Variants in KCNK10 observed in about 807,000 individuals in gnomAD.
The protein encoded by KCNK10 is potassium two pore domain channel subfamily K member 10.
KCNK10 carries 25 observed loss-of-function variants against 47.7 expected under a neutral mutation model. The observed-to-expected ratio is 0.52, with a 90% CI of 0.38 to 0.73. The LOEUF (loss-of-function observed/expected upper bound fraction) is 0.73, where lower values mean the gene tolerates loss of function less well. Among genes scored for constraint, KCNK10 ranks in the 30% least tolerant of loss-of-function variants. The pLI, the probability that KCNK10 is intolerant of heterozygous loss-of-function variation, is 0.00. For missense variants in KCNK10, 563 were observed against 714.5 expected (o/e 0.79, Z 2.42); for synonymous variants, 303 against 285.6 (o/e 1.06, Z -0.61).
chr14:88,202,983 C>A (rs1885149903), intron 4 of KCNK10, among the ~76,000 whole-genome samples: 1 of 152,142 alleles, frequency 6.6e-6, no homozygotes, highest in Non-Finnish European at 1.5e-5. Context: ...GTAAACCTTG[C>A]CCTTGATCAA....
chr14:88,294,512 T>C (rs1048397500), intron 1 of KCNK10, among the ~76,000 whole-genome samples: 3 of 152,244 alleles, frequency 2.0e-5, no homozygotes. Flanking sequence ...AATTCTCTTT[T>C]GGGCTGGATC....
intron 1 of KCNK10, among the ~76,000 whole-genome samples, chr14:88,315,592 C>A (rs1283081753): frequency 6.6e-6 from 1 of 152,076 alleles, no homozygotes; most frequent in African/African-American, 2.4e-5. Context: ...TTTAGGGGAT[C>A]TCGAGTTCTG....
chr14:88,220,183 C>T (rs1234495885), intron 4 of KCNK10, among the ~76,000 whole-genome samples: 2 of 151,746 alleles, frequency 1.3e-5, no homozygotes, highest in Non-Finnish European at 2.9e-5. Context: ...TTTGGGAGGC[C>T]GAGGCGGGCG....
At chr14:88,223,425 G>A (rs1034581890) in intron 4 of KCNK10, among the ~76,000 whole-genome samples, 1 of 150,154 alleles carries the variant, frequency 6.7e-6, no homozygotes, top group Non-Finnish European at 1.5e-5. Flanking sequence ...ATGAGCCTCT[G>A]TCTGTATGTT....
chr14:88,261,542 T>C (rs1030040106), intron 2 of KCNK10, among the ~76,000 whole-genome samples: 2 of 152,122 alleles, frequency 1.3e-5, no homozygotes, highest in Non-Finnish European at 2.9e-5. Flanking sequence ...TGCTTGAGCC[T>C]AGGAATTCAA....
intron 4 of KCNK10, 51 bp downstream of exon 4, chr14:88,227,324 A>C: frequency 6.8e-7 from 1 of 1,470,334 alleles, no homozygotes; most frequent in Non-Finnish European, 9.2e-7. Flanking sequence ...CTGTCAGGCT[A>C]AAGCCAACTG....
At position 88,182,036 on chromosome 14, in the gene KCNK10, G is replaced by GCGCGCACACACA. The variant is rs878911675; in HGVS notation, c.*3498_*3499insTGTGTGTGCGCG. 1 of 137,058 alleles carries GCGCGCACACACA rather than the reference G, an allele frequency of 7.3e-6. No individual in the cohort carries two copies. Among genetic ancestry groups the GCGCGCACACACA allele is most frequent in the African/African-American group, 2.7e-5 (1 of 36,728 alleles). 8.5% of individuals were successfully genotyped at this position (137,058 alleles called of 1,614,324 possible). A position where few individuals can be genotyped will look rare whatever the true frequency, so the allele number is the denominator to read the frequency against. The stretch of plus-strand genomic sequence containing the variant: ...AGATGGCCCAACACCACCCCAACCC[G>GCGCGCACACACA]CACACACACACACACACACACACAC... On this transcript the variant is annotated 3_prime_UTR_variant, in exon 7 of 7. Transcript: ENST00000319231.
chr14:88,202,599 G>A (rs965712571), intron 4 of KCNK10, among the ~76,000 whole-genome samples: 1 of 152,160 alleles, frequency 6.6e-6, no homozygotes, highest in African/African-American at 2.4e-5. Context: ...ACTGGCACCC[G>A]CCACTCCCCA....
rs1884354543 is a variant in KCNK10 at position 88,181,491 on chromosome 14, G to C, written c.*4044C>G. On this transcript the variant is annotated 3_prime_UTR_variant, in exon 7 of 7. Coordinates refer to ENST00000319231, the MANE Select transcript of KCNK10 (RefSeq NM_138317.3). ...CATAGTACTTGAATTCATGATACAT[G>C]AAGTACTACAATTGACTGCAAATAA... The C allele has an allele frequency of 6.7e-6, 1 of 149,012 alleles. No individual in the cohort carries two copies. Among genetic ancestry groups the C allele is most frequent in the Non-Finnish European group, 1.5e-5 (1 of 67,574 alleles). The allele number at this position is 149,012 out of a possible 1,614,324, so 9.2% of individuals were successfully genotyped here.
intron 1 of KCNK10, among the ~76,000 whole-genome samples, chr14:88,266,831 G>A (rs1279999181): frequency 1.3e-5 from 2 of 152,200 alleles, no homozygotes; most frequent in East Asian, 3.9e-4. Context: ...GAGCATGGAG[G>A]TGAGTGGAGG....
In KCNK10 at chr14:88,322,700, C is replaced by G. The variant is rs1167833540; in HGVS notation, c.52+47G>C. On this transcript the variant is annotated intron_variant, in intron 1 of 6. Coordinates refer to ENST00000319231, the MANE Select transcript of KCNK10 (RefSeq NM_138317.3). The surrounding 1 kb of genome is among the most constrained non-coding windows in gnomAD (Gnocchi z 4.8). ...TCCACTCAAGGAAGCGCGCACACGC[C>G]GGAGACAGAGGCAGGGCGAGGGCAG... The G allele has an allele frequency of 1.2e-6, 2 of 1,612,918 alleles. No homozygotes were observed. The highest frequency in any genetic ancestry group is 4.5e-5 in the East Asian group (2 of 44,850).
intron 2 of KCNK10, among the ~76,000 whole-genome samples, chr14:88,245,511 A>G (rs17690804): frequency 0.028 from 4,261 of 152,288 alleles, 90 homozygotes; most frequent in Non-Finnish European, 0.045. Context: ...AGGCAACGCC[A>G]GCTACATGAA....
At chr14:88,308,009 G>C (rs1053209462) in intron 1 of KCNK10, among the ~76,000 whole-genome samples, 7 of 152,172 alleles carry the variant, frequency 4.6e-5, no homozygotes, top group Non-Finnish European at 1.0e-4. Context: ...CAGACACAGA[G>C]AGGTAAGTTA....
chr14:88,277,348 C>T (rs1887547135), intron 1 of KCNK10, among the ~76,000 whole-genome samples: 1 of 152,218 alleles, frequency 6.6e-6, no homozygotes, highest in African/African-American at 2.4e-5. Context: ...TCAGCATCAC[C>T]CTCTGAGTAA....
chr14:88,299,914 G>C (rs1888060415), intron 1 of KCNK10, among the ~76,000 whole-genome samples: 2 of 152,190 alleles, frequency 1.3e-5, no homozygotes, highest in East Asian at 3.8e-4. Context: ...GATGGCATAG[G>C]AAAGGCCGAC....
chr14:88,287,334 T>A (rs1246494253), intron 1 of KCNK10, among the ~76,000 whole-genome samples: 2 of 152,192 alleles, frequency 1.3e-5, no homozygotes, highest in African/African-American at 4.8e-5. Flanking sequence ...TATTATTATT[T>A]CTGTAGGTTT....
intron 4 of KCNK10, among the ~76,000 whole-genome samples, chr14:88,195,350 A>T (rs1272221422): frequency 6.6e-6 from 1 of 152,256 alleles, no homozygotes; most frequent in Non-Finnish European, 1.5e-5. Context: ...AGATTAAACA[A>T]GTGTGCAAAC....
chr14:88,231,938 T>C (rs1886170806), intron 3 of KCNK10, among the ~76,000 whole-genome samples: 1 of 152,242 alleles, frequency 6.6e-6, no homozygotes, highest in African/African-American at 2.4e-5. Flanking sequence ...ATTCACAAAG[T>C]GTGTCTATAC....
chr14:88,202,042 G>A (rs1158820591), intron 4 of KCNK10, among the ~76,000 whole-genome samples: 1 of 152,202 alleles, frequency 6.6e-6, no homozygotes, highest in Non-Finnish European at 1.5e-5. Context: ...AAAGTGTTTA[G>A]TAGAGATATG....
Sources: gnomAD v4.1 joint callset for allele counts (sites outside exome capture counted in the v4.1 genomes callset) on GRCh38, gnomAD v4.1.1 for gene constraint, Gnocchi (gnomAD v3.1) non-coding constraint, MANE v1.5 for transcripts, NCBI Gene and HGNC (gene_info 2026-07-23, HGNC 2026-07-21) for gene names.